Variants in AGBL1 observed in about 807,000 individuals in gnomAD.
AGBL1 encodes the protein AGBL carboxypeptidase 1.
A neutral mutation model predicts 118.9 loss-of-function variants in AGBL1; 130 were observed. The ratio of observed to expected loss-of-function variants is 1.09; its 90% CI spans 0.95 to 1.26. The LOEUF (loss-of-function observed/expected upper bound fraction) is 1.26. AGBL1 is among the 50% of genes most tolerant of loss of function. AGBL1 has a pLI of 0.00. For missense variants in AGBL1, 1,584 were observed against 1,298.1 expected, an observed-to-expected ratio of 1.22 and a Z score of -3.38; for synonymous variants, 555 against 478.9, an observed-to-expected ratio of 1.16 and a Z score of -2.08.
At chr15:86,079,750 C>T, upstream of AGBL1, 2 of 372,862 alleles carry the variant, frequency 5.4e-6, no homozygotes, top group Non-Finnish European at 9.5e-6. Flanking sequence ...GCCCTCCCCA[C>T]AGCAGGGGCT....
intron 22 of AGBL1, among the ~76,000 whole-genome samples, chr15:86,732,831 TA>T (rs2077543435): frequency 6.6e-6 from 1 of 151,634 alleles, no homozygotes; most frequent in Non-Finnish European, 1.5e-5. Flanking sequence ...CATTAGAAGA[TA>T]TATTAGGGTT....
At chr15:86,812,515 C>T (rs896784442) in intron 22 of AGBL1, among the ~76,000 whole-genome samples, 13 of 152,210 alleles carry the variant, frequency 8.5e-5, no homozygotes, top group Admixed American at 7.2e-4. Flanking sequence ...CCACAAGCCT[C>T]TTGAATCAGG....
intron 22 of AGBL1, among the ~76,000 whole-genome samples, chr15:86,681,406 T>C (rs2085954031): frequency 6.6e-6 from 1 of 152,164 alleles, no homozygotes; most frequent in Non-Finnish European, 1.5e-5. Context: ...TATCGTCCCA[T>C]AGATTCCTTT....
At chr15:87,011,213 C>CCTAA (rs1282514702) in intron 24 of AGBL1, among the ~76,000 whole-genome samples, 1 of 152,136 alleles carries the variant, frequency 6.6e-6, no homozygotes, top group African/African-American at 2.4e-5. Flanking sequence ...CAGGACAACC[C>CCTAA]CTAACTGTGT....
chr15:86,402,377 G>C (rs984207776), intron 18 of AGBL1, among the ~76,000 whole-genome samples: 2 of 151,894 alleles, frequency 1.3e-5, no homozygotes, highest in African/African-American at 2.4e-5. Context: ...GGGTTTTCTA[G>C]GTATATAATC....
intron 23 of AGBL1, among the ~76,000 whole-genome samples, chr15:86,927,976 A>T (rs530749964): frequency 6.6e-6 from 1 of 152,110 alleles, no homozygotes; most frequent in Non-Finnish European, 1.5e-5. Flanking sequence ...TATTGTGAGC[A>T]TGTGTGTATA....
chr15:86,092,872 T>C (rs1027868019), intron 1 of AGBL1, among the ~76,000 whole-genome samples: 1 of 152,178 alleles, frequency 6.6e-6, no homozygotes, highest in African/African-American at 2.4e-5. Flanking sequence ...ATAATGGCAT[T>C]AATTCCTTCA....
intron 22 of AGBL1, among the ~76,000 whole-genome samples, chr15:86,897,413 T>C (rs1382672027): frequency 1.3e-5 from 2 of 152,168 alleles, no homozygotes; most frequent in African/African-American, 4.8e-5. Flanking sequence ...GATTTTTTTC[T>C]ATTATATCTT....
intron 22 of AGBL1, among the ~76,000 whole-genome samples, chr15:86,879,008 G>A (rs1276923633): frequency 6.6e-6 from 1 of 152,206 alleles, no homozygotes; most frequent in Non-Finnish European, 1.5e-5. Context: ...AAGGAGCCCT[G>A]GCAGGAGCAT....
At chr15:86,392,286 A>G (rs1321853851) in intron 17 of AGBL1, among the ~76,000 whole-genome samples, 2 of 152,116 alleles carry the variant, frequency 1.3e-5, no homozygotes, top group Admixed American at 6.6e-5. Flanking sequence ...TAATGGCTGC[A>G]TAGCATTCTG....
chr15:86,382,286 G>C (rs943215032), intron 17 of AGBL1, among the ~76,000 whole-genome samples: 5 of 152,318 alleles, frequency 3.3e-5, no homozygotes. Flanking sequence ...ACTTTGAAAC[G>C]AAGGGGCCAG....
intron 22 of AGBL1, among the ~76,000 whole-genome samples, chr15:86,817,928 A>G (rs1219730299): frequency 6.6e-6 from 1 of 152,184 alleles, no homozygotes; most frequent in Non-Finnish European, 1.5e-5. Flanking sequence ...GAAGACAGTC[A>G]TGTGACGATG....
intron 1 of AGBL1, among the ~76,000 whole-genome samples, chr15:86,094,741 T>C (rs746385167): frequency 6.6e-6 from 1 of 152,216 alleles, no homozygotes; most frequent in Non-Finnish European, 1.5e-5. Flanking sequence ...ATGGCTACTA[T>C]GATCTGTTTG....
At chr15:86,980,280 G>C (rs540020716) in intron 23 of AGBL1, among the ~76,000 whole-genome samples, 1 of 152,310 alleles carries the variant, frequency 6.6e-6, no homozygotes, top group East Asian at 1.9e-4. Flanking sequence ...AGTTAGAGCT[G>C]CCTGCTGATT....
At chr15:86,133,437 C>T (rs1317151027) in intron 1 of AGBL1, among the ~76,000 whole-genome samples, 5 of 152,194 alleles carry the variant, frequency 3.3e-5, no homozygotes, top group Non-Finnish European at 7.3e-5. Context: ...AAACCCGGCA[C>T]CTATTCCTGG....
intron 21 of AGBL1, among the ~76,000 whole-genome samples, chr15:86,619,169 C>T (rs138655077): frequency 3.9e-4 from 60 of 151,972 alleles, no homozygotes; most frequent in Non-Finnish European, 5.6e-4. Flanking sequence ...ATACTAGGCC[C>T]GAGAGATACT....
chr15:86,572,629 T>C lies in AGBL1; in HGVS notation c.2994+18092T>C, dbSNP rs186513597. The stretch of plus-strand genomic sequence containing the variant: ...GCTGCGGAGGCTCTGGGCCTAGGAG[T>C]GGGTCCTGCCCAGTCACGCAATGTT... On this transcript the variant is annotated intron_variant, in intron 21 of 22. Transcript: ENST00000614907. Among the ~76,000 whole-genome samples, 551 of 152,026 alleles carry C rather than the reference T, an allele frequency of 3.6e-3. 2 individuals are homozygous for C. The highest frequency in any genetic ancestry group is 5.7e-3 in the Non-Finnish European group (385 of 67,948).
intron 5 of AGBL1, among the ~76,000 whole-genome samples, chr15:86,209,958 G>T (rs1262972466): frequency 1.3e-5 from 2 of 152,182 alleles, no homozygotes; most frequent in South Asian, 2.1e-4. Flanking sequence ...GGAACTGATT[G>T]TTCCTTTCCA....
intron 22 of AGBL1, among the ~76,000 whole-genome samples, chr15:86,726,537 G>A (rs771252361): frequency 6.6e-6 from 1 of 152,228 alleles, no homozygotes; most frequent in South Asian, 2.1e-4. Context: ...CACAATACGC[G>A]GCTCTTAAAG....
Sources: allele counts gnomAD v4.1 joint callset (sites outside exome capture counted in the v4.1 genomes callset), GRCh38; gene constraint gnomAD v4.1.1; transcripts MANE v1.5; gene names NCBI Gene and HGNC (gene_info 2026-07-23, HGNC 2026-07-21).